MEGF10: variants seen among roughly 807,000 people sequenced by gnomAD.
MEGF10 encodes multiple epidermal growth factor-like domains protein 10.
A neutral mutation model predicts 147.5 loss-of-function variants in MEGF10; 86 were observed. That is an observed-to-expected ratio of 0.58 (90% CI 0.49 to 0.70). The LOEUF (loss-of-function observed/expected upper bound fraction) is 0.70. MEGF10 is among the 30% of genes least tolerant of loss of function. MEGF10 has a pLI of 0.00. For missense variants in MEGF10, 1,329 were observed against 1,487.3 expected (o/e 0.89, Z 1.75); for synonymous variants, 478 against 525.5 (o/e 0.91, Z 1.24).
intron 3 of MEGF10, 92 bp from the exon 4 acceptor site, chr5:127,340,438 A>C: frequency 1.1e-6 from 1 of 905,152 alleles, no homozygotes; most frequent in Non-Finnish European, 1.8e-6. Flanking sequence ...ATTGGTCTAG[A>C]CATGTATTCC....
At chr5:127,368,938 C>T (rs928537886) in intron 4 of MEGF10, among the ~76,000 whole-genome samples, 1 of 152,018 alleles carries the variant, frequency 6.6e-6, no homozygotes, top group Non-Finnish European at 1.5e-5. Flanking sequence ...GTTCTACATC[C>T]ACAAAAATGT....
At chr5:127,427,490 G>A (rs911315150) in intron 13 of MEGF10, among the ~76,000 whole-genome samples, 2 of 151,926 alleles carry the variant, frequency 1.3e-5, no homozygotes, top group African/African-American at 4.8e-5. Context: ...AGAGGTTGGG[G>A]GCTCATCTGA....
chr5:127,239,883 T>A, the MEGF10 span, among the ~76,000 whole-genome samples: 1 of 152,206 alleles, frequency 6.6e-6, no homozygotes. Context: ...CTTCTCTACC[T>A]GTGTCTTACC....
At chr5:127,357,436 ATCGGGCAGCT>A (rs1762316065) in intron 4 of MEGF10, among the ~76,000 whole-genome samples, 1 of 152,040 alleles carries the variant, frequency 6.6e-6, no homozygotes, top group Non-Finnish European at 1.5e-5. Flanking sequence ...TAAATGATAG[ATCGGGCAGCT>A]GATACAGGGT....
chr5:127,346,934 T>A (rs1761915986), intron 4 of MEGF10, among the ~76,000 whole-genome samples: 1 of 152,038 alleles, frequency 6.6e-6, no homozygotes, highest in South Asian at 2.1e-4. Context: ...AATTTATATT[T>A]TATATATATC....
Position 127,438,559 on chromosome 5 carries a change from G to A in MEGF10, c.2225G>A (p.Cys742Tyr). The change falls in exon 17 of 25, where the codon TGC (cysteine) becomes TAC (tyrosine). Residue 742 changes from cysteine (C) to tyrosine (Y), a missense_variant. By Grantham distance (194) the Cys-to-Tyr change is radical. This residue lies in a region of MEGF10 where 980 missense variants were observed against 1,085.9 expected (regional missense o/e 0.90). Coordinates refer to ENST00000503335, the MANE Select transcript of MEGF10 (RefSeq NM_001256545.2). ...ACTCCTGGCTGGACAGGGCTCTACT[G>A]CACTCAGAGTAAGTGACAAGCCTTC... ...KCTPGWTGLY[C>Y]TQRCPLGFYG... 3 of 1,613,966 alleles carry A rather than the reference G, an allele frequency of 1.9e-6. No homozygotes were observed. Among genetic ancestry groups the A allele is most frequent in the Non-Finnish European group, 2.5e-6 (3 of 1,179,904 alleles).
At position 127,441,014 on chromosome 5, in the gene MEGF10, C is replaced by T. The variant is rs2127016024; in HGVS notation, c.2362+147C>T. On this transcript the variant is annotated intron_variant, in intron 18 of 24. Transcript: ENST00000503335. Reference sequence around the variant, plus strand: ...TTACTTCTCAGCATGACTGACTTCCCCTCCCAGAGGTCAGGCCTCCCTGGG... The same window carrying T: ...TTACTTCTCAGCATGACTGACTTCCTCTCCCAGAGGTCAGGCCTCCCTGGG... 4 of 1,052,444 alleles carry T rather than the reference C, an allele frequency of 3.8e-6. No homozygotes were observed. In the South Asian group the frequency reaches 4.7e-5, roughly 12 times the overall value. 65.2% of individuals were successfully genotyped at this position (1,052,444 alleles called of 1,614,324 possible).
chr5:127,300,725 G>T (rs1475393918), intron 1 of MEGF10, among the ~76,000 whole-genome samples: 3 of 152,210 alleles, frequency 2.0e-5, no homozygotes, highest in Non-Finnish European at 2.9e-5. Context: ...TCCTGGTGCA[G>T]CTGGGAGGGC....
intron 5 of MEGF10, among the ~76,000 whole-genome samples, chr5:127,388,069 C>A (rs1232518843): frequency 1.3e-5 from 2 of 152,188 alleles, no homozygotes; most frequent in Non-Finnish European, 2.9e-5. Flanking sequence ...GCCTAATTTT[C>A]AGATCCATAT....
In MEGF10 at chr5:127,345,854, G is replaced by A. The variant is rs569349632; in HGVS notation, c.319+5224G>A. Among the ~76,000 whole-genome samples, 10 of 152,114 alleles carry A rather than the reference G, an allele frequency of 6.6e-5. No individual in the cohort carries two copies. In the East Asian group the frequency reaches 1.2e-3, roughly 18 times the overall value. On this transcript the variant is annotated intron_variant, in intron 4 of 24. Coordinates refer to ENST00000503335, the MANE Select transcript of MEGF10 (RefSeq NM_001256545.2). Reference sequence around the variant, plus strand: ...CTTTTATCCTTCACCCACCTCCCACGCTTTCCCTTAAGTCCCCAAAGCCTA... The same window carrying A: ...CTTTTATCCTTCACCCACCTCCCACACTTTCCCTTAAGTCCCCAAAGCCTA...
chr5:127,297,619 G>A (rs1056806211), intron 1 of MEGF10, among the ~76,000 whole-genome samples: 1 of 152,162 alleles, frequency 6.6e-6, no homozygotes, highest in South Asian at 2.1e-4. Context: ...TGTGGTGGCA[G>A]GAATTTACAA....
chr5:127,263,075 C>T, the MEGF10 span, among the ~76,000 whole-genome samples: 1 of 152,140 alleles, frequency 6.6e-6, no homozygotes, highest in African/African-American at 2.4e-5. Flanking sequence ...GAGGTGTTGT[C>T]TACCTTTAAA....
chr5:127,312,739 T>G (rs1319777075), intron 1 of MEGF10, among the ~76,000 whole-genome samples: 1 of 152,202 alleles, frequency 6.6e-6, no homozygotes, highest in Non-Finnish European at 1.5e-5. Context: ...ATAAACAGTT[T>G]TAGCTTTTGT....
chr5:127,423,346 C>T (rs545487687), intron 13 of MEGF10, among the ~76,000 whole-genome samples: 4 of 152,130 alleles, frequency 2.6e-5, no homozygotes, highest in African/African-American at 4.8e-5. Flanking sequence ...ATAGCTTCAC[C>T]GTTTCAGCCA....
chr5:127,247,530 C>G, the MEGF10 span, among the ~76,000 whole-genome samples: 1 of 150,148 alleles, frequency 6.7e-6, no homozygotes, highest in Non-Finnish European at 1.5e-5. Context: ...GAATAAAAAG[C>G]TCATGAATTT....
At chr5:127,250,075 A>G in the MEGF10 span, among the ~76,000 whole-genome samples, 5 of 152,218 alleles carry the variant, frequency 3.3e-5, no homozygotes, top group South Asian at 4.1e-4. Context: ...TTTCCAACAC[A>G]TGCTTTTTGG....
At chr5:127,454,656 T>G in intron 23 of MEGF10, 46 bp downstream of exon 23, 1 of 1,537,384 alleles carries the variant, frequency 6.5e-7, no homozygotes, top group Non-Finnish European at 8.9e-7. Context: ...AATTAAATTT[T>G]TTTTAACCTC....
At chr5:127,382,518 T>G (rs1763298368) in intron 5 of MEGF10, among the ~76,000 whole-genome samples, 1 of 152,184 alleles carries the variant, frequency 6.6e-6, no homozygotes, top group Admixed American at 6.5e-5. Context: ...AGCAGCCATT[T>G]TAAGAAAAAA....
the MEGF10 span, among the ~76,000 whole-genome samples, chr5:127,240,974 G>T: frequency 6.6e-6 from 1 of 152,156 alleles, no homozygotes; most frequent in Non-Finnish European, 1.5e-5. Context: ...AAATGCAAAA[G>T]ATTTTTTCTT....
Sources: allele counts gnomAD v4.1 joint callset (sites outside exome capture counted in the v4.1 genomes callset), GRCh38; gene constraint gnomAD v4.1.1; regional missense constraint gnomAD v4.1.1; transcripts MANE v1.5; gene names NCBI Gene and HGNC (gene_info 2026-07-23, HGNC 2026-07-21).